CYSTM1: variants seen among roughly 807,000 people sequenced by gnomAD.
CYSTM1 encodes cysteine rich transmembrane module containing 1, also known as cysteine-rich transmembrane module-containing protein 1.
In CYSTM1, 4 loss-of-function variants were observed where a neutral mutation model predicts 13.1. That is an observed-to-expected ratio of 0.31 (90% CI 0.15 to 0.70). The LOEUF (loss-of-function observed/expected upper bound fraction) is 0.70. CYSTM1 is among the 30% of genes least tolerant of loss of function. The probability of loss-of-function intolerance (pLI) is 0.72; values close to 1 mark genes in which losing one functional copy is unlikely to be tolerated. For missense variants in CYSTM1, 96 were observed against 121.6 expected, an observed-to-expected ratio of 0.79 and a Z score of 0.99; for synonymous variants, 36 against 42.7, an observed-to-expected ratio of 0.84 and a Z score of 0.62.
chr5:140,240,406 T>C (rs1036368317), intron 2 of CYSTM1, among the ~76,000 whole-genome samples: 1 of 151,616 alleles, frequency 6.6e-6, no homozygotes, highest in Non-Finnish European at 1.5e-5. Context: ...ACACCTGGGT[T>C]GGGGCCACCT....
chr5:140,185,335 G>A (rs1764003295), intron 1 of CYSTM1, among the ~76,000 whole-genome samples: 1 of 152,222 alleles, frequency 6.6e-6, no homozygotes, highest in African/African-American at 2.4e-5. Context: ...TGAAGCCACA[G>A]CCAAAATGTT....
intron 2 of CYSTM1, among the ~76,000 whole-genome samples, chr5:140,209,775 G>T (rs1764341355): frequency 6.6e-6 from 1 of 151,568 alleles, no homozygotes; most frequent in Admixed American, 6.6e-5. Flanking sequence ...GGCCAGGCTG[G>T]TCTCAAACTC....
At chr5:140,179,119 G>A (rs1019310010) in intron 1 of CYSTM1, among the ~76,000 whole-genome samples, 7 of 151,920 alleles carry the variant, frequency 4.6e-5, no homozygotes, top group Non-Finnish European at 5.9e-5. Flanking sequence ...AAATTAGCTG[G>A]GCATGTGGTA....
Position 140,185,026 on chromosome 5 carries a change from G to A in CYSTM1, c.-20-9420G>A, listed in dbSNP as rs540458120. 2.4e-4 allele frequency among the ~76,000 whole-genome samples: 37 copies of A among 152,324 alleles called. 1 individual carries two copies. The South Asian group carries it at 7.7e-3, about 32-fold the overall frequency. On this transcript the variant is annotated intron_variant, in intron 1 of 2. Transcript: ENST00000261811. Reference sequence around the variant, plus strand: ...TTGTGTTATCTTAATGTTGGGGATAGCGGCTTAAAGCAATTATCTGAATGG... The same window carrying A: ...TTGTGTTATCTTAATGTTGGGGATAACGGCTTAAAGCAATTATCTGAATGG...
chr5:140,176,859 G>T (rs1368124454), intron 1 of CYSTM1, among the ~76,000 whole-genome samples: 1 of 152,028 alleles, frequency 6.6e-6, no homozygotes, highest in Admixed American at 6.6e-5. Context: ...CACGAGGTCA[G>T]GAGATCGAGA....
At chr5:140,178,576 C>T (rs1394415520) in intron 1 of CYSTM1, among the ~76,000 whole-genome samples, 3 of 150,036 alleles carry the variant, frequency 2.0e-5, no homozygotes, top group African/African-American at 4.9e-5. Flanking sequence ...CCATGCCTGG[C>T]TATCTAAGAC....
chr5:140,204,774 C>T (rs551128225), intron 2 of CYSTM1, among the ~76,000 whole-genome samples: 36 of 151,528 alleles, frequency 2.4e-4, no homozygotes, highest in East Asian at 1.6e-3. Context: ...GTGCTGAGCG[C>T]GTGTGTGTGT....
chr5:140,223,703 CA>C (rs199966201), intron 2 of CYSTM1, among the ~76,000 whole-genome samples: 1,744 of 152,360 alleles, frequency 0.011, 45 homozygotes, highest in African/African-American at 0.039. Flanking sequence ...ACCCAGCTTT[CA>C]GCTGGGTCCC....
At chr5:140,237,217 T>C (rs779605021) in intron 2 of CYSTM1, among the ~76,000 whole-genome samples, 9 of 152,210 alleles carry the variant, frequency 5.9e-5, no homozygotes, top group Admixed American at 1.3e-4. Context: ...CTGACTCTCC[T>C]TGGGACACTC....
At chr5:140,213,093 G>C (rs1764390394) in intron 2 of CYSTM1, among the ~76,000 whole-genome samples, 1 of 149,010 alleles carries the variant, frequency 6.7e-6, no homozygotes, top group African/African-American at 2.5e-5. Flanking sequence ...GGTCCTTCAG[G>C]AGACATTCCA....
At chr5:140,210,610 G>A (rs1221494158) in intron 2 of CYSTM1, among the ~76,000 whole-genome samples, 1 of 151,720 alleles carries the variant, frequency 6.6e-6, no homozygotes. Flanking sequence ...GCCTCCCAAG[G>A]CTCAAATAAT....
In CYSTM1 at chr5:140,230,446, GA is replaced by G. The variant is rs1490963367; in HGVS notation, c.188-12858del. ...TTTATTAGAAAAGGTTAGAGGGGTG[GA>G]TTCCAGGATGAGAGATGGTTGATGG... On this transcript the variant is annotated intron_variant, in intron 2 of 2. Coordinates refer to ENST00000261811, the MANE Select transcript of CYSTM1 (RefSeq NM_032412.4). This position sits in a 1 kb window ranked among gnomAD's most constrained non-coding sequence, Gnocchi z 4.1. Among the ~76,000 whole-genome samples, 1 of 152,196 alleles carries G rather than the reference GA, an allele frequency of 6.6e-6. No homozygotes were observed. The highest frequency in any genetic ancestry group is 1.5e-5 in the Non-Finnish European group (1 of 68,026).
chr5:140,211,908 C>G (rs1764372485), intron 2 of CYSTM1, among the ~76,000 whole-genome samples: 1 of 152,228 alleles, frequency 6.6e-6, no homozygotes, highest in Non-Finnish European at 1.5e-5. Context: ...GATGTCGCCA[C>G]TGCACTCCAG....
rs764692580 is a variant in CYSTM1 at position 140,175,803 on chromosome 5, G to A, written c.-21+518G>A. 9.2e-5 allele frequency among the ~76,000 whole-genome samples: 14 copies of A among 152,236 alleles called. No individual in the cohort carries two copies. The highest frequency in any genetic ancestry group is 1.5e-4 in the Non-Finnish European group (10 of 68,038). ...GAAGTAACTAGGGAACGCAAAGCCGGCGCTCGGAGGCCGGGGTGTTCAGAG... is the reference window on the plus strand; with the variant it reads ...GAAGTAACTAGGGAACGCAAAGCCGACGCTCGGAGGCCGGGGTGTTCAGAG... On this transcript the variant is annotated intron_variant, in intron 1 of 2. Transcript: ENST00000261811. The surrounding 1 kb of genome is among the most constrained non-coding windows in gnomAD (Gnocchi z 4.9).
chr5:140,222,667 C>T (rs1764505237), intron 2 of CYSTM1, among the ~76,000 whole-genome samples: 1 of 152,252 alleles, frequency 6.6e-6, no homozygotes, highest in Admixed American at 6.5e-5. Flanking sequence ...GAGGCAGGGA[C>T]TGCCCACTGT....
chr5:140,179,262 A>G (rs1431431553), intron 1 of CYSTM1, among the ~76,000 whole-genome samples: 1 of 83,470 alleles, frequency 1.2e-5, no homozygotes, highest in Non-Finnish European at 2.5e-5. Flanking sequence ...CTTGTCGCTT[A>G]AAAAAAAAAA....
At chr5:140,195,031 GT>G (rs1183287930) in intron 2 of CYSTM1, among the ~76,000 whole-genome samples, 1 of 152,218 alleles carries the variant, frequency 6.6e-6, no homozygotes, top group Non-Finnish European at 1.5e-5. Flanking sequence ...TGACCCTCAA[GT>G]CATCCTCTTG....
chr5:140,217,313 C>T (rs1193401999), intron 2 of CYSTM1, among the ~76,000 whole-genome samples: 1 of 152,128 alleles, frequency 6.6e-6, no homozygotes, highest in East Asian at 1.9e-4. Context: ...ATTTCTCTCT[C>T]CTCCTCCTGA....
At chr5:140,179,333 T>C (rs1581056471) in intron 1 of CYSTM1, among the ~76,000 whole-genome samples, 1 of 149,400 alleles carries the variant, frequency 6.7e-6, no homozygotes, top group Non-Finnish European at 1.5e-5. Flanking sequence ...CCGAGGTGGG[T>C]GGATTGCTTG....
Sources: gnomAD v4.1 joint callset for allele counts (sites outside exome capture counted in the v4.1 genomes callset) on GRCh38, gnomAD v4.1.1 for gene constraint, Gnocchi (gnomAD v3.1) non-coding constraint, MANE v1.5 for transcripts, NCBI Gene and HGNC (gene_info 2026-07-23, HGNC 2026-07-21) for gene names.